ANKRD55: variants seen among roughly 807,000 people sequenced by gnomAD.
ANKRD55 encodes the protein ankyrin repeat domain-containing protein 55.
A neutral mutation model predicts 60.6 loss-of-function variants in ANKRD55; 41 were observed. The ratio of observed to expected loss-of-function variants is 0.68; its 90% CI spans 0.53 to 0.88. ANKRD55 has a LOEUF of 0.88. Ranked by LOEUF, ANKRD55 falls within the 40% of genes least tolerant of loss-of-function variation. ANKRD55 has a pLI of 0.00. For missense variants in ANKRD55, 732 were observed against 767.6 expected (o/e 0.95, Z 0.55); for synonymous variants, 264 against 290.3 (o/e 0.91, Z 0.92).
At chr5:56,151,931 G>C (rs7719433) in intron 6 of ANKRD55, among the ~76,000 whole-genome samples, 2 of 81,516 alleles carry the variant, frequency 2.5e-5, no homozygotes, top group Non-Finnish European at 5.6e-5. Flanking sequence ...ATGTATATAT[G>C]TATATATGTG....
chr5:56,197,115 T>G (rs1195904983), intron 2 of ANKRD55, among the ~76,000 whole-genome samples: 1 of 152,218 alleles, frequency 6.6e-6, no homozygotes, highest in Non-Finnish European at 1.5e-5. Context: ...TGCCCCATTA[T>G]TAAGACATTT....
intron 2 of ANKRD55, among the ~76,000 whole-genome samples, chr5:56,232,198 A>G (rs376049569): frequency 1.1e-3 from 169 of 152,360 alleles, no homozygotes; most frequent in Admixed American, 3.2e-3. Flanking sequence ...ATGGCCAAAT[A>G]TGTGATATTA....
Position 56,116,648 on chromosome 5 carries a change from G to A in ANKRD55, c.932C>T (p.Thr311Met), listed in dbSNP as rs977687688. 19 of 1,605,640 alleles carry A rather than the reference G, an allele frequency of 1.2e-5. No homozygotes were observed. In the Admixed American group the frequency reaches 1.4e-4, roughly 12 times the overall value. ...TTGGGAGAGGAGTTTGACACACGCC[G>A]TGTGACCGCAGTACAGGGCATAGGC... ...PLAYALYCGHTACVKLLSQES... is the reference protein window; with the variant it reads ...PLAYALYCGHMACVKLLSQES... Residue 311 changes from threonine to methionine, a missense_variant, in exon 9 of 12, where the codon ACG (threonine) becomes ATG (methionine). Physicochemically the swap from Thr to Met is moderately conservative, Grantham distance 81 (BLOSUM62 -1). Transcript: ENST00000341048.
chr5:56,228,982 A>G (rs1181084568), intron 2 of ANKRD55, among the ~76,000 whole-genome samples: 3 of 151,852 alleles, frequency 2.0e-5, no homozygotes, highest in Non-Finnish European at 4.4e-5. Context: ...CGTCAGGCAT[A>G]TTTCCTCAGA....
At chr5:56,113,929 C>T (rs1282968523) in intron 9 of ANKRD55, among the ~76,000 whole-genome samples, 2 of 149,614 alleles carry the variant, frequency 1.3e-5, no homozygotes, top group Non-Finnish European at 3.0e-5. Flanking sequence ...AGGTTACAGG[C>T]GTGAGTCACT....
In ANKRD55 at chr5:56,103,889, G is replaced by A. The variant is rs539430353; in HGVS notation, c.1631-1303C>T. ...AAGAACAACTTGCATCTGTTTAAGT[G>A]AATCTCATGGTGGATGGTCTGTGCA... is the stretch of plus-strand genomic sequence containing the variant. On this transcript the variant is annotated intron_variant, in intron 10 of 11. Coordinates refer to ENST00000341048, the MANE Select transcript of ANKRD55 (RefSeq NM_024669.3). Among the ~76,000 whole-genome samples the A allele has an allele frequency of 5.9e-5, 9 of 152,304 alleles. No individual in the cohort carries two copies. In the East Asian group the frequency reaches 1.7e-3, roughly 29 times the overall value.
At chr5:56,161,485 C>G (rs939414750) in intron 5 of ANKRD55, among the ~76,000 whole-genome samples, 1 of 152,190 alleles carries the variant, frequency 6.6e-6, no homozygotes, top group African/African-American at 2.4e-5. Context: ...TAAATTGTTA[C>G]TTGCAATAGA....
chr5:56,141,750 A>G (rs1561267281), intron 7 of ANKRD55, among the ~76,000 whole-genome samples: 1 of 152,238 alleles, frequency 6.6e-6, no homozygotes, highest in Non-Finnish European at 1.5e-5. Context: ...AAAAAGAGAA[A>G]GAATATGAAG....
At chr5:56,179,837 G>C (rs1758817432) in intron 3 of ANKRD55, among the ~76,000 whole-genome samples, 1 of 152,166 alleles carries the variant, frequency 6.6e-6, no homozygotes, top group Non-Finnish European at 1.5e-5. Context: ...AATTCCAAAA[G>C]CAACAATAAT....
chr5:56,151,919 A>G (rs1024481203), intron 6 of ANKRD55, among the ~76,000 whole-genome samples: 3 of 132,560 alleles, frequency 2.3e-5, no homozygotes, highest in African/African-American at 8.3e-5. Flanking sequence ...ATATACACAT[A>G]TATGTATATA....
chr5:56,120,779 A>G (rs1368064301), intron 8 of ANKRD55, among the ~76,000 whole-genome samples: 2 of 152,044 alleles, frequency 1.3e-5, no homozygotes, highest in East Asian at 1.9e-4. Flanking sequence ...CATGCCTGTA[A>G]TCCCAGCTAC....
chr5:56,201,591 A>G (rs1337603850), intron 2 of ANKRD55, among the ~76,000 whole-genome samples: 2 of 152,138 alleles, frequency 1.3e-5, no homozygotes, highest in Admixed American at 6.5e-5. Context: ...TAACATCTCT[A>G]TGTCCGTTCT....
chr5:56,177,594 T>C (rs1758763089), intron 3 of ANKRD55, among the ~76,000 whole-genome samples: 1 of 151,910 alleles, frequency 6.6e-6, no homozygotes, highest in Admixed American at 6.6e-5. Flanking sequence ...CTGGCCAACA[T>C]GGTGAAACCC....
intron 4 of ANKRD55, among the ~76,000 whole-genome samples, chr5:56,173,636 C>T (rs1758672081): frequency 7.0e-6 from 1 of 142,294 alleles, no homozygotes; most frequent in African/African-American, 2.6e-5. Context: ...CCGCCTCCTC[C>T]TGGGTTCAGG....
chr5:56,191,882 C>T (rs935626251), intron 2 of ANKRD55, among the ~76,000 whole-genome samples: 2 of 152,124 alleles, frequency 1.3e-5, no homozygotes, highest in African/African-American at 2.4e-5. Context: ...GCGGTCAATG[C>T]AAATAATTGG....
chr5:56,223,610 T>C (rs1187372598), intron 2 of ANKRD55, among the ~76,000 whole-genome samples: 1 of 152,010 alleles, frequency 6.6e-6, no homozygotes, highest in Admixed American at 6.6e-5. Flanking sequence ...AGGAGACCCA[T>C]CTCACATGCA....
chr5:56,223,372 A>G (rs1354592935), intron 2 of ANKRD55, among the ~76,000 whole-genome samples: 1 of 152,242 alleles, frequency 6.6e-6, no homozygotes, highest in Non-Finnish European at 1.5e-5. Flanking sequence ...ATGGAAAGGA[A>G]CAACTGGTAT....
intron 2 of ANKRD55, among the ~76,000 whole-genome samples, chr5:56,226,319 A>G (rs1760109092): frequency 6.6e-6 from 1 of 152,234 alleles, no homozygotes; most frequent in Admixed American, 6.5e-5. Context: ...TACACCTTAT[A>G]CAAAAATTAA....
At chr5:56,157,367 T>C (rs1426766394) in intron 6 of ANKRD55, among the ~76,000 whole-genome samples, 2 of 152,216 alleles carry the variant, frequency 1.3e-5, no homozygotes, top group African/African-American at 4.8e-5. Context: ...GTCTGAAATA[T>C]GGCCTCATGG....
Sources: allele counts gnomAD v4.1 joint callset (sites outside exome capture counted in the v4.1 genomes callset), GRCh38; gene constraint gnomAD v4.1.1; transcripts MANE v1.5; gene names NCBI Gene and HGNC (gene_info 2026-07-23, HGNC 2026-07-21).